The following POMC variants were observed in gnomAD, a reference collection of about 807,000 sequenced individuals.
The protein encoded by POMC is pro-opiomelanocortin.
In POMC, 19 loss-of-function variants were observed where a neutral mutation model predicts 18.5. The ratio of observed to expected loss-of-function variants is 1.03; its 90% confidence interval spans 0.72 to 1.51. POMC has a LOEUF of 1.51. Ranked by LOEUF, POMC falls within the 40% of genes most tolerant of loss-of-function variation. POMC has a pLI of 0.00. For synonymous variants in POMC, 179 were observed against 161.9 expected (o/e 1.11, Z -0.80); for missense variants, 451 against 379.0 (o/e 1.19, Z -1.58).
intron 1 of POMC, among the ~76,000 whole-genome samples, chr2:25,166,428 C>A (rs752081018): frequency 6.6e-6 from 1 of 152,188 alleles, no homozygotes; most frequent in East Asian, 1.9e-4. Context: ...TTGACCATAG[C>A]ACATTTAGCT....
At chr2:25,164,148 GAA>G (rs1287716281) in intron 2 of POMC, among the ~76,000 whole-genome samples, 2 of 133,500 alleles carry the variant, frequency 1.5e-5, no homozygotes, top group East Asian at 2.3e-4. Flanking sequence ...ACCAATTAAA[GAA>G]AAAAAAAAAA....
At position 25,161,580 on chromosome 2, in the gene POMC, T is replaced by A; in HGVS notation, c.305A>T (p.Gln102Leu). 1 of 1,524,678 alleles carries A rather than the reference T, an allele frequency of 6.6e-7. No individual in the cohort carries two copies. Among genetic ancestry groups the A allele is most frequent in the East Asian group, 2.4e-5 (1 of 41,780 alleles). 94.4% of individuals were successfully genotyped at this position (1,524,678 alleles called of 1,614,324 possible). A position where few individuals can be genotyped will look rare whatever the true frequency, so the allele number is the denominator to read the frequency against. The change falls in exon 3 of 3, where the codon CAG becomes CTG. Residue 102 changes from glutamine (Q) to leucine (L), a missense_variant. By Grantham distance (113) the Gln-to-Leu change is moderately radical. Coordinates refer to ENST00000395826, the MANE Select transcript of POMC (RefSeq NM_000939.4). The surrounding 1 kb of genome is among the most constrained non-coding windows in gnomAD (Gnocchi z 5.7). ...SSSSGSSGAG[Q>L]KREDVSAGED... ...GCCCGCTGAGACGTCCTCGCGCTTC[T>A]GCCCTGCGCCGCTGCTGCCGCTGCT...
At chr2:25,162,321 G>T (rs1671420851) in intron 2 of POMC, among the ~76,000 whole-genome samples, 1 of 152,096 alleles carries the variant, frequency 6.6e-6, no homozygotes, top group African/African-American at 2.4e-5. Flanking sequence ...GTGGTGGCGG[G>T]CGCCTGTAAT....
At chr2:25,163,864 A>G (rs1355727234) in intron 2 of POMC, among the ~76,000 whole-genome samples, 3 of 152,092 alleles carry the variant, frequency 2.0e-5, no homozygotes, top group Admixed American at 6.6e-5. Flanking sequence ...GGCTCAAGCA[A>G]TCCTCCCACC....
Sources: allele counts gnomAD v4.1 joint callset (sites outside exome capture counted in the v4.1 genomes callset), GRCh38; gene constraint gnomAD v4.1.1; non-coding constraint Gnocchi (gnomAD v3.1); transcripts MANE v1.5; gene names NCBI Gene and HGNC (gene_info 2026-07-23, HGNC 2026-07-21).